Variants in POU6F2 observed in about 807,000 individuals in gnomAD.
POU6F2 encodes POU class 6 homeobox 2.
In POU6F2, 31 loss-of-function variants were observed where a neutral mutation model predicts 71.3. The ratio of observed to expected loss-of-function variants is 0.43; its 90% CI spans 0.33 to 0.59. POU6F2 has a LOEUF of 0.59. Ranked by LOEUF, POU6F2 falls within the 20% of genes least tolerant of loss-of-function variation. POU6F2 has a pLI of 0.04. For synonymous variants in POU6F2, 347 were observed against 355.7 expected (o/e 0.98, Z 0.27); for missense variants, 783 against 856.8 (o/e 0.91, Z 1.07).
chr7:39,357,650 C>G (rs973339295), intron 5 of POU6F2, among the ~76,000 whole-genome samples: 1 of 152,196 alleles, frequency 6.6e-6, no homozygotes, highest in Non-Finnish European at 1.5e-5. Flanking sequence ...TTCCAAACTG[C>G]CACCTGATTT....
chr7:39,087,384 T>C (rs566396313), intron 2 of POU6F2, among the ~76,000 whole-genome samples: 26 of 152,192 alleles, frequency 1.7e-4, no homozygotes, highest in Admixed American at 3.3e-4. Flanking sequence ...ATATACTAGA[T>C]TCCAATTTCA....
intron 6 of POU6F2, among the ~76,000 whole-genome samples, chr7:39,419,072 C>CGTATATGTGTATATAT (rs1787773065): frequency 3.0e-5 from 4 of 134,386 alleles, no homozygotes; most frequent in Admixed American, 1.5e-4. Flanking sequence ...CACATATATA[C>CGTATATGTGTATATAT]ACACATATAT....
chr7:39,235,891 T>C (rs550790319), intron 4 of POU6F2, among the ~76,000 whole-genome samples: 1 of 152,250 alleles, frequency 6.6e-6, no homozygotes, highest in African/African-American at 2.4e-5. Context: ...ATGTCTTCTT[T>C]CCAATCGAGA....
chr7:39,367,902 G>A (rs937774298), intron 5 of POU6F2, among the ~76,000 whole-genome samples: 3 of 152,048 alleles, frequency 2.0e-5, no homozygotes, highest in African/African-American at 4.8e-5. Context: ...TTGTTTTGGG[G>A]TGCTACGTAT....
intron 2 of POU6F2, among the ~76,000 whole-genome samples, chr7:39,109,483 T>A (rs1368854060): frequency 1.3e-5 from 2 of 152,210 alleles, no homozygotes; most frequent in Non-Finnish European, 2.9e-5. Flanking sequence ...AAGGAATAAA[T>A]TCTGCCTGAT....
Position 39,124,590 on chromosome 7 carries a change from G to A in POU6F2, c.277+38559G>A, listed in dbSNP as rs928520711. 1.1e-4 allele frequency among the ~76,000 whole-genome samples: 16 copies of A among 152,188 alleles called. 1 individual carries two copies. Among genetic ancestry groups the A allele is most frequent in the Non-Finnish European group, 1.5e-4 (10 of 68,012 alleles). ...TTAATTATATTATTCTCCTCCTACC[G>A]GGGGCTTAAACACTCATACTGAGCC... On this transcript the variant is annotated intron_variant, in intron 2 of 9. Transcript: ENST00000518318.
chr7:39,041,810 T>C (rs9691458), intron 1 of POU6F2, among the ~76,000 whole-genome samples: 31,419 of 151,906 alleles, frequency 0.21, 3,508 homozygotes, highest in South Asian at 0.36. Context: ...TATTAGATGA[T>C]ATCTTTTCTT....
In POU6F2 at chr7:39,340,013, C is replaced by T. The variant is rs1317161981; in HGVS notation, c.970C>T (p.Gln324Ter). Reference sequence around the variant, plus strand: ...ACCGCTCACGCCACCCAATCCTCTACAGGTATGCTCCCCGTGCTTCCCGTC... The same window carrying T: ...ACCGCTCACGCCACCCAATCCTCTATAGGTATGCTCCCCGTGCTTCCCGTC... ...PSPLTPPNPL[Q>*]LVNNPLASQA... The change falls in exon 5 of 10, where the codon CAG becomes TAG. Residue 324 changes from glutamine to a stop codon, truncating the protein, a stop_gained and splice_region_variant. Transcript: ENST00000518318. LOFTEE classifies it high-confidence loss of function. 1.3e-6 allele frequency: 2 copies of T among 1,599,522 alleles called. No homozygotes were observed. Among genetic ancestry groups the T allele is most frequent in the East Asian group, 2.2e-5 (1 of 44,538 alleles).
At chr7:39,433,025 A>C (rs1483251163) in intron 6 of POU6F2, 52 bp from the exon 7 acceptor site, 2 of 1,588,748 alleles carry the variant, frequency 1.3e-6, no homozygotes, top group Non-Finnish European at 1.7e-6. Flanking sequence ...CTTCAGTTGC[A>C]TGCACAGACC....
intron 1 of POU6F2, among the ~76,000 whole-genome samples, chr7:39,053,063 T>A (rs1007425730): frequency 1.3e-5 from 2 of 152,082 alleles, no homozygotes; most frequent in African/African-American, 4.8e-5. Context: ...GTGTGGGGTA[T>A]ATTGAAGAAG....
At chr7:38,989,251 G>A (rs1562656236) in intron 1 of POU6F2, among the ~76,000 whole-genome samples, 1 of 152,042 alleles carries the variant, frequency 6.6e-6, no homozygotes, top group African/African-American at 2.4e-5. Flanking sequence ...GTTTGTAAGT[G>A]CCCCATGTCA....
At chr7:39,342,256 A>G (rs1329161069) in intron 5 of POU6F2, among the ~76,000 whole-genome samples, 1 of 152,186 alleles carries the variant, frequency 6.6e-6, no homozygotes, top group East Asian at 1.9e-4. Flanking sequence ...TATAAAGGAA[A>G]TAGAGAATAT....
intron 2 of POU6F2, among the ~76,000 whole-genome samples, chr7:39,173,908 T>C (rs539082480): frequency 2.2e-4 from 34 of 152,326 alleles, no homozygotes; most frequent in African/African-American, 8.2e-4. Context: ...GGTTACTTAG[T>C]GGAAATTTAG....
At position 39,464,800 on chromosome 7, in the gene POU6F2, G is replaced by T; in HGVS notation, c.*114G>T. On this transcript the variant is annotated 3_prime_UTR_variant, in exon 10 of 10. Coordinates refer to ENST00000518318, the MANE Select transcript of POU6F2 (RefSeq NM_001370959.1). This position sits in a 1 kb window ranked among gnomAD's most constrained non-coding sequence, Gnocchi z 4.1. The stretch of plus-strand genomic sequence containing the variant: ...ATTTAATTTAAAAATAGCCCCAGTC[G>T]TCATCACCCTTGTAAGTAAATGACT... 2 of 1,232,390 alleles carry T rather than the reference G, an allele frequency of 1.6e-6. No homozygotes were observed. Among genetic ancestry groups the T allele is most frequent in the Middle Eastern group, 1.9e-4 (1 of 5,150 alleles). 76.3% of individuals were successfully genotyped at this position (1,232,390 alleles called of 1,614,324 possible).
At chr7:39,131,883 A>G (rs1404016128) in intron 2 of POU6F2, among the ~76,000 whole-genome samples, 1 of 151,550 alleles carries the variant, frequency 6.6e-6, no homozygotes, top group Admixed American at 6.6e-5. Context: ...TTGTGGGTAC[A>G]TAGTAGGTGT....
intron 2 of POU6F2, among the ~76,000 whole-genome samples, chr7:39,110,358 C>T (rs866428214): frequency 3.3e-5 from 5 of 151,086 alleles, no homozygotes; most frequent in African/African-American, 1.2e-4. Flanking sequence ...GAAAACTGAT[C>T]ATGTTCTAAG....
intron 2 of POU6F2, among the ~76,000 whole-genome samples, chr7:39,115,347 T>C: frequency 6.6e-6 from 1 of 152,186 alleles, no homozygotes; most frequent in East Asian, 1.9e-4. Flanking sequence ...CTTATTTATT[T>C]ATTTATTTTA....
intron 4 of POU6F2, among the ~76,000 whole-genome samples, chr7:39,334,831 C>T (rs1785732617): frequency 6.6e-6 from 1 of 152,138 alleles, no homozygotes; most frequent in South Asian, 2.1e-4. Context: ...CAAAAGCACA[C>T]AATAAATACA....
chr7:39,366,542 T>C (rs751114245), intron 5 of POU6F2, among the ~76,000 whole-genome samples: 1 of 151,982 alleles, frequency 6.6e-6, no homozygotes, highest in Non-Finnish European at 1.5e-5. Context: ...TTCAAGGAGA[T>C]GGGAGAATGG....
Sources: gnomAD v4.1 joint callset for allele counts (sites outside exome capture counted in the v4.1 genomes callset) on GRCh38, gnomAD v4.1.1 for gene constraint, Gnocchi (gnomAD v3.1) non-coding constraint, MANE v1.5 for transcripts, NCBI Gene and HGNC (gene_info 2026-07-23, HGNC 2026-07-21) for gene names.